The following SPINK2 variants were observed in gnomAD, a reference collection of about 807,000 sequenced individuals.
SPINK2 encodes the protein serine protease inhibitor Kazal-type 2.
SPINK2 carries 8 observed loss-of-function variants against 13.5 expected under a neutral mutation model. The ratio of observed to expected loss-of-function variants is 0.59; its 90% CI spans 0.35 to 1.07. The LOEUF (loss-of-function observed/expected upper bound fraction) is 1.07, where lower values mean the gene tolerates loss of function less well. Ranked by LOEUF, SPINK2 falls within the 50% of genes least tolerant of loss-of-function variation. SPINK2 has a pLI of 0.02. For missense variants in SPINK2, 148 were observed against 180.3 expected (o/e 0.82, Z 1.03); for synonymous variants, 76 against 74.7 (o/e 1.02, Z -0.09).
intron 2 of SPINK2, among the ~76,000 whole-genome samples, chr4:56,818,881 G>A (rs1013913845): frequency 1.3e-5 from 2 of 152,188 alleles, no homozygotes; most frequent in African/African-American, 4.8e-5. Context: ...GCTGAAGACT[G>A]AGCAACAAAT....
At chr4:56,821,767 C>T, upstream of SPINK2, 1 of 1,174,924 alleles carries the variant, frequency 8.5e-7, no homozygotes, top group Non-Finnish European at 1.1e-6. Context: ...AGGGGCGGGG[C>T]GAGAATGGGA....
intron 2 of SPINK2, among the ~76,000 whole-genome samples, chr4:56,814,747 G>A (rs1444989839): frequency 6.6e-6 from 1 of 151,808 alleles, no homozygotes; most frequent in Non-Finnish European, 1.5e-5. Flanking sequence ...GGATCACGAG[G>A]TCAGGAAATC....
At chr4:56,811,957 G>C (rs1194536531) in intron 2 of SPINK2, among the ~76,000 whole-genome samples, 163 bp from the exon 3 acceptor site, 1 of 38,260 alleles carries the variant, frequency 2.6e-5, no homozygotes, top group Non-Finnish European at 5.2e-5. Flanking sequence ...TTTTTTTTTT[G>C]AGACAGAGTC....
intron 2 of SPINK2, among the ~76,000 whole-genome samples, chr4:56,817,117 G>T (rs542380297): frequency 6.6e-6 from 1 of 151,918 alleles, no homozygotes; most frequent in African/African-American, 2.4e-5. Flanking sequence ...CAGGAGAATT[G>T]CTTGAACCCA....
chr4:56,819,189 A>G (rs1013395672), intron 2 of SPINK2, among the ~76,000 whole-genome samples: 2 of 152,216 alleles, frequency 1.3e-5, no homozygotes, highest in Non-Finnish European at 2.9e-5. Context: ...TATGATGGTG[A>G]TGATGATGCA....
At position 56,809,900 on chromosome 4, in the gene SPINK2, T is replaced by C. The variant is rs1471879412; in HGVS notation, c.*239A>G. 2.9e-6 allele frequency: 3 copies of C among 1,031,250 alleles called. No individual in the cohort carries two copies. The highest frequency in any genetic ancestry group is 5.7e-5 in the East Asian group (2 of 34,966). 63.9% of individuals were successfully genotyped at this position (1,031,250 alleles called of 1,614,324 possible). ...ATTTTATTTCAACTAAATAAAGCAA[T>C]GCACAAGTCACCTGGGCAGTAAGCT... On this transcript the variant is annotated 3_prime_UTR_variant, in exon 4 of 4. Transcript: ENST00000506738.
intron 2 of SPINK2, among the ~76,000 whole-genome samples, chr4:56,814,961 A>C (rs1480627056): frequency 1.1e-4 from 2 of 18,786 alleles, no homozygotes; most frequent in African/African-American, 5.2e-4. Flanking sequence ...ACTCCGTCTC[A>C]AAAAAAAAAA....
intron 1 of SPINK2, 80 bp from the exon 2 acceptor site, chr4:56,820,659 T>TGAA (rs1717860800): frequency 8.5e-7 from 1 of 1,179,424 alleles, no homozygotes; most frequent in African/African-American, 1.6e-5. Context: ...TTTTTTTAAA[T>TGAA]GAAGTCTTGC....
chr4:56,817,874 G>A (rs1485438940), intron 2 of SPINK2, among the ~76,000 whole-genome samples: 2 of 151,792 alleles, frequency 1.3e-5, no homozygotes, highest in Non-Finnish European at 2.9e-5. Flanking sequence ...AAAAAAGTGT[G>A]GCACTAAGGA....
intron 3 of SPINK2, chr4:56,810,497 GTTTGAGACCAGC>G: frequency 3.5e-6 from 1 of 282,754 alleles, no homozygotes; most frequent in Non-Finnish European, 6.6e-6. Context: ...GAGGTCAGGG[GTTTGAGACCAGC>G]CTGGCCAACA....
intron 2 of SPINK2, among the ~76,000 whole-genome samples, chr4:56,819,416 T>C (rs370685416): frequency 3.3e-5 from 5 of 152,186 alleles, no homozygotes; most frequent in Admixed American, 6.5e-5. Context: ...CTAGTCCTTA[T>C]ATAAAACAGA....
chr4:56,809,871 G>T lies in SPINK2; in HGVS notation c.*268C>A. On this transcript the variant is annotated 3_prime_UTR_variant, in exon 4 of 4. Transcript: ENST00000506738. ...GAGAACAGTAGGAACTGAATTCAATGCTGATTTTATTTCAACTAAATAAAG... is the reference window on the plus strand; with the variant it reads ...GAGAACAGTAGGAACTGAATTCAATTCTGATTTTATTTCAACTAAATAAAG... 1.3e-6 allele frequency: 1 copy of T among 774,488 alleles called. No homozygotes were observed. Among genetic ancestry groups the T allele is most frequent in the Non-Finnish European group, 1.9e-6 (1 of 515,288 alleles). 48.0% of individuals were successfully genotyped at this position (774,488 alleles called of 1,614,324 possible).
intron 2 of SPINK2, among the ~76,000 whole-genome samples, chr4:56,819,424 AG>A (rs1717739731): frequency 6.6e-6 from 1 of 152,184 alleles, no homozygotes; most frequent in Admixed American, 6.5e-5. Flanking sequence ...TATATAAAAC[AG>A]AACTCTGACC....
chr4:56,820,980 T>C (rs2109453974), intron 1 of SPINK2, among the ~76,000 whole-genome samples: 1 of 152,358 alleles, frequency 6.6e-6, no homozygotes, highest in East Asian at 1.9e-4. Context: ...TTTGAAGCTA[T>C]GGAATAAAAG....
chr4:56,812,192 C>CAA (rs1049273811), intron 2 of SPINK2, among the ~76,000 whole-genome samples: 2 of 148,246 alleles, frequency 1.3e-5, no homozygotes, highest in Non-Finnish European at 3.0e-5. Context: ...CTGCGCCTGG[C>CAA]AAAAAAAAAT....
At chr4:56,817,220 C>T (rs922435886) in intron 2 of SPINK2, among the ~76,000 whole-genome samples, 2 of 152,016 alleles carry the variant, frequency 1.3e-5, no homozygotes, top group Non-Finnish European at 2.9e-5. Context: ...AAAACAAAAA[C>T]ATTAGGAATA....
chr4:56,811,440 G>A (rs1716964363), intron 3 of SPINK2, among the ~76,000 whole-genome samples: 1 of 152,078 alleles, frequency 6.6e-6, no homozygotes, highest in Non-Finnish European at 1.5e-5. Context: ...CCAACATGGT[G>A]AAACCCTGTC....
chr4:56,813,367 A>T (rs1156674477), intron 2 of SPINK2, among the ~76,000 whole-genome samples: 1 of 152,136 alleles, frequency 6.6e-6, no homozygotes, highest in Non-Finnish European at 1.5e-5. Context: ...GATATGATAA[A>T]ATTTTAAGCA....
intron 1 of SPINK2, 83 bp downstream of exon 1, chr4:56,821,375 G>A: frequency 1.4e-6 from 2 of 1,418,888 alleles, no homozygotes; most frequent in Non-Finnish European, 1.8e-6. Flanking sequence ...CCTTAGAGCT[G>A]GGAGCGAAGC....
Sources: allele counts gnomAD v4.1 joint callset (sites outside exome capture counted in the v4.1 genomes callset), GRCh38; gene constraint gnomAD v4.1.1; transcripts MANE v1.5; gene names NCBI Gene and HGNC (gene_info 2026-07-23, HGNC 2026-07-21).